PTGIS: variants seen among roughly 807,000 people sequenced by gnomAD.
PTGIS encodes the protein prostacyclin synthase.
In PTGIS, 45 loss-of-function variants were observed where a neutral mutation model predicts 50.3. The ratio of observed to expected loss-of-function variants is 0.90; its 90% CI spans 0.70 to 1.15. PTGIS has a LOEUF of 1.15. Ranked by LOEUF, PTGIS falls within the 50% of genes most tolerant of loss-of-function variation. The probability of loss-of-function intolerance (pLI) is 0.00; values close to 1 mark genes in which losing one functional copy is unlikely to be tolerated. For synonymous variants in PTGIS, 260 were observed against 267.7 expected (o/e 0.97, Z 0.28); for missense variants, 668 against 661.3 (o/e 1.01, Z -0.11).
rs1459468744 is a variant in PTGIS, at chr20:49,506,516, T to A, written c.*1404A>T. On this transcript the variant is annotated 3_prime_UTR_variant, in exon 10 of 10. Coordinates refer to ENST00000244043, the MANE Select transcript of PTGIS (RefSeq NM_000961.4). ...CCTCAGCCTCCTGAATAGCTGGGATTACAGGCACGCACCGCCACACCTGAC... is the reference window on the plus strand; with the variant it reads ...CCTCAGCCTCCTGAATAGCTGGGATAACAGGCACGCACCGCCACACCTGAC... The A allele has an allele frequency of 6.6e-6, 1 of 152,236 alleles. No homozygotes were observed. Among genetic ancestry groups the A allele is most frequent in the Non-Finnish European group, 1.5e-5 (1 of 68,064 alleles). The allele number at this position is 152,236 out of a possible 1,614,324, so 9.4% of individuals were successfully genotyped here. A position where few individuals can be genotyped will look rare whatever the true frequency, so the allele number is the denominator to read the frequency against.
intron 2 of PTGIS, among the ~76,000 whole-genome samples, chr20:49,548,801 G>T (rs1982433932): frequency 6.6e-6 from 1 of 152,062 alleles, no homozygotes; most frequent in Non-Finnish European, 1.5e-5. Flanking sequence ...TTAGATAGAT[G>T]GATAAATGGA....
rs941817072 is a variant in PTGIS, at chr20:49,540,416, C to T, written c.522-695G>A. ...GCCCAGAGCTGAGAGTGCAACCGTGCCTGGTGGGAGAGGTGCCAGCTGTGG... is the reference window on the plus strand; with the variant it reads ...GCCCAGAGCTGAGAGTGCAACCGTGTCTGGTGGGAGAGGTGCCAGCTGTGG... On this transcript the variant is annotated intron_variant, in intron 4 of 9. Coordinates refer to ENST00000244043, the MANE Select transcript of PTGIS (RefSeq NM_000961.4). This position sits in a 1 kb window ranked among gnomAD's most constrained non-coding sequence, Gnocchi z 4.8. Among the ~76,000 whole-genome samples the T allele has an allele frequency of 3.9e-5, 6 of 151,974 alleles. No individual in the cohort carries two copies. The highest frequency in any genetic ancestry group is 6.6e-5 in the Admixed American group (1 of 15,266).
chr20:49,539,939 G>A (rs1030499168), intron 4 of PTGIS, among the ~76,000 whole-genome samples: 8 of 152,204 alleles, frequency 5.3e-5, no homozygotes, highest in South Asian at 2.1e-4. Context: ...CAACAGACGA[G>A]AGGATGAGTA....
intron 1 of PTGIS, among the ~76,000 whole-genome samples, chr20:49,561,505 G>C (rs542909467): frequency 4.0e-4 from 61 of 152,310 alleles, no homozygotes; most frequent in Non-Finnish European, 7.5e-4. Context: ...CACGTGTCGT[G>C]CTGCCCAAGT....
chr20:49,568,086 C>G lies in PTGIS; in HGVS notation c.31G>C (p.Ala11Pro). 6.8e-7 allele frequency: 1 copy of G among 1,466,596 alleles called. No individual in the cohort carries two copies. The highest frequency in any genetic ancestry group is 1.3e-5 in the South Asian group (1 of 76,726). 90.8% of individuals were successfully genotyped at this position (1,466,596 alleles called of 1,614,324 possible). A position where few individuals can be genotyped will look rare whatever the true frequency, so the allele number is the denominator to read the frequency against. MAWAALLGLL[A>P]ALLLLLLLSR... ...AGTAGCAGCAGCAGCAACAGTGCGG[C>G]CAGGAGGCCGAGGAGCGCGGCCCAA... Residue 11 changes from alanine (A) to proline (P), a missense_variant, in exon 1 of 10, where the codon GCC becomes CCC. Transcript: ENST00000244043.
intron 5 of PTGIS, among the ~76,000 whole-genome samples, chr20:49,537,249 A>T (rs770646944): frequency 2.0e-5 from 3 of 152,202 alleles, no homozygotes; most frequent in Non-Finnish European, 4.4e-5. Flanking sequence ...TTGGGGGCAC[A>T]TGGCCCAGGG....
intron 9 of PTGIS, among the ~76,000 whole-genome samples, chr20:49,509,891 TTTTTTTTTTTTTC>T (rs1440808470): frequency 9.9e-4 from 122 of 122,932 alleles, no homozygotes; most frequent in African/African-American, 3.7e-3. Context: ...CTTTTTTTTT[TTTTTTTTTTTTTC>T]TGGAGACAGA....
intron 1 of PTGIS, among the ~76,000 whole-genome samples, chr20:49,562,944 G>A (rs1182787884): frequency 2.0e-5 from 3 of 152,348 alleles, no homozygotes; most frequent in East Asian, 3.9e-4. Flanking sequence ...TGGCTGGTCT[G>A]AATGAATCAT....
chr20:49,552,106 G>GT (rs1235819288), intron 1 of PTGIS, among the ~76,000 whole-genome samples: 2 of 152,022 alleles, frequency 1.3e-5, no homozygotes, highest in South Asian at 4.2e-4. Context: ...AAAAAGACAA[G>GT]TTCCTCTCAG....
At chr20:49,530,374 T>C (rs1981907487) in intron 5 of PTGIS, among the ~76,000 whole-genome samples, 1 of 152,170 alleles carries the variant, frequency 6.6e-6, no homozygotes, top group Admixed American at 6.5e-5. Flanking sequence ...TTGTGAATAA[T>C]GCTGCAATGA....
chr20:49,514,429 G>C (rs758298172), intron 6 of PTGIS, 34 bp from the exon 7 acceptor site: 1 of 1,608,692 alleles, frequency 6.2e-7, no homozygotes, highest in South Asian at 1.1e-5. Context: ...ATGCCATTAT[G>C]AGGGCAGAGC....
intron 6 of PTGIS, among the ~76,000 whole-genome samples, chr20:49,517,784 C>G (rs1237437343): frequency 6.6e-6 from 1 of 152,210 alleles, no homozygotes; most frequent in Non-Finnish European, 1.5e-5. Flanking sequence ...GCTGCCCGCT[C>G]CTGCCTGCAT....
In PTGIS at chr20:49,524,098, A is replaced by G. The variant is rs201480227; in HGVS notation, c.815T>C (p.Met272Thr). ...HLEEMGVSEE[M>T]QARALVLQLW... is the part of the protein sequence containing the mutation. ...CTGCAGCACCAGGGCCCGTGCCTGC[A>G]TCTCCTCTGACACACCCATCTCCTC... The change falls in exon 6 of 10, where the codon ATG becomes ACG. Residue 272 changes from methionine (M) to threonine (T), a missense_variant. Physicochemically the swap from Met to Thr is moderately conservative, Grantham distance 81. Transcript: ENST00000244043. 918 of 1,614,168 alleles carry G rather than the reference A, an allele frequency of 5.7e-4. 9 individuals carry two copies. The East Asian group carries it at 0.012, about 22-fold the overall frequency.
rs776179739 is a variant in PTGIS, at chr20:49,514,292, G to C, written c.959C>G (p.Ala320Gly). ...RGELESILWQ[A>G]EQPVSQTTTL... Reference sequence around the variant, plus strand: ...GGTCGTCTGCGAGACAGGCTGCTCCGCTTGCCAAAGGATACTCTCGAGCTC... The same window carrying C: ...GGTCGTCTGCGAGACAGGCTGCTCCCCTTGCCAAAGGATACTCTCGAGCTC... Residue 320 changes from alanine to glycine, a missense_variant, in exon 7 of 10, where the codon GCG becomes GGG. By Grantham distance (60) the Ala-to-Gly change is moderately conservative (BLOSUM62 0). Transcript: ENST00000244043. 1 of 1,614,088 alleles carries C rather than the reference G, an allele frequency of 6.2e-7. No individual in the cohort carries two copies. Among genetic ancestry groups the C allele is most frequent in the South Asian group, 1.1e-5 (1 of 91,084 alleles).
chr20:49,509,073 G>C (rs1367420022), intron 9 of PTGIS, among the ~76,000 whole-genome samples: 2 of 152,266 alleles, frequency 1.3e-5, no homozygotes, highest in African/African-American at 4.8e-5. Context: ...ACTCTGGACA[G>C]ATCTGGGCTG....
chr20:49,529,594 C>G (rs1382886653), intron 5 of PTGIS, among the ~76,000 whole-genome samples: 2 of 152,050 alleles, frequency 1.3e-5, no homozygotes, highest in African/African-American at 2.4e-5. Flanking sequence ...AATCGCACAC[C>G]ATTCTGAGTA....
intron 6 of PTGIS, among the ~76,000 whole-genome samples, chr20:49,520,312 C>T (rs1255575874): frequency 1.3e-5 from 2 of 151,974 alleles, no homozygotes; most frequent in Non-Finnish European, 2.9e-5. Context: ...CATCTCTTCT[C>T]CATAGAACAC....
rs762052740 is a variant in PTGIS, at chr20:49,514,208, G to C, written c.1024+19C>G. 6.2e-7 allele frequency: 1 copy of C among 1,612,740 alleles called. No individual in the cohort carries two copies. Among genetic ancestry groups the C allele is most frequent in the South Asian group, 1.1e-5 (1 of 91,046 alleles). On this transcript the variant is annotated intron_variant, in intron 7 of 9. Coordinates refer to ENST00000244043, the MANE Select transcript of PTGIS (RefSeq NM_000961.4). ...TGACGCAGTCTTAGGGGCTATCTTG[G>C]AGGGTCTGACGATCTCACCAAGCAC...
At chr20:49,549,414 A>G (rs1982447775) in intron 2 of PTGIS, among the ~76,000 whole-genome samples, 1 of 152,236 alleles carries the variant, frequency 6.6e-6, no homozygotes, top group African/African-American at 2.4e-5. Flanking sequence ...AAAAAAGTTT[A>G]GTACCAACAC....
Sources: gnomAD v4.1 joint callset for allele counts (sites outside exome capture counted in the v4.1 genomes callset) on GRCh38, gnomAD v4.1.1 for gene constraint, Gnocchi (gnomAD v3.1) non-coding constraint, MANE v1.5 for transcripts, NCBI Gene and HGNC (gene_info 2026-07-23, HGNC 2026-07-21) for gene names.